The following SEPTIN11 variants were observed in gnomAD, a reference collection of about 807,000 sequenced individuals.
SEPTIN11 encodes the protein septin 11, also known as septin-11.
In SEPTIN11, 25 loss-of-function variants were observed where a neutral mutation model predicts 51.4. The observed-to-expected ratio is 0.49, with a 90% confidence interval of 0.35 to 0.68. The LOEUF (loss-of-function observed/expected upper bound fraction) is 0.68, where lower values mean the gene tolerates loss of function less well. Ranked by LOEUF, SEPTIN11 falls within the 30% of genes least tolerant of loss-of-function variation. The probability of loss-of-function intolerance (pLI) is 0.00; values close to 1 mark genes in which losing one functional copy is unlikely to be tolerated. For synonymous variants in SEPTIN11, 174 were observed against 184.1 expected (o/e 0.95, Z 0.44); for missense variants, 381 against 520.8 (o/e 0.73, Z 2.61).
rs11323704 is a variant in SEPTIN11, at chr4:77,014,661, C to CA, written c.526-181dup. Among the ~76,000 whole-genome samples the CA allele has an allele frequency of 9.4e-3, 1,368 of 144,844 alleles. 17 individuals are homozygous for CA. The highest frequency in any genetic ancestry group is 0.03 in the African/African-American group (1,195 of 39,642). The stretch of plus-strand genomic sequence containing the variant: ...CTGATTTTCATTATCATCTCTACCC[C>CA]AAAAAAAAAAAAAATTGTAGGTACA... On this transcript the variant is annotated intron_variant, in intron 4 of 9. Coordinates refer to ENST00000264893, the MANE Select transcript of SEPTIN11 (RefSeq NM_018243.4).
At chr4:76,979,691 C>T (rs1722668827) in intron 1 of SEPTIN11, among the ~76,000 whole-genome samples, 2 of 152,010 alleles carry the variant, frequency 1.3e-5, no homozygotes, top group African/African-American at 4.8e-5. Context: ...CAAGAACAGC[C>T]TGGCCAACAT....
intron 1 of SEPTIN11, among the ~76,000 whole-genome samples, chr4:76,950,221 G>C (rs1365035796): frequency 6.6e-6 from 1 of 152,142 alleles, no homozygotes; most frequent in Non-Finnish European, 1.5e-5. Context: ...GAGGCGCGGC[G>C]TGTCTCAGCC....
At position 77,034,273 on chromosome 4, in the gene SEPTIN11, A is replaced by C. The variant is rs1425803842; in HGVS notation, c.1275-224A>C. Among the ~76,000 whole-genome samples the C allele has an allele frequency of 3.9e-5, 6 of 152,260 alleles. 1 individual carries two copies. Among genetic ancestry groups the C allele is most frequent in the African/African-American group, 7.2e-5 (3 of 41,478 alleles). On this transcript the variant is annotated intron_variant, in intron 9 of 9. Coordinates refer to ENST00000264893, the MANE Select transcript of SEPTIN11 (RefSeq NM_018243.4). ...AAGTCACTTGTGAATTCTAAATTAC[A>C]TACAAATGGAAACTAACCATATGTC...
At chr4:77,008,149 T>G (rs1724618004) in intron 3 of SEPTIN11, among the ~76,000 whole-genome samples, 1 of 152,218 alleles carries the variant, frequency 6.6e-6, no homozygotes, top group Non-Finnish European at 1.5e-5. Context: ...TTTCACTCTT[T>G]GTTATTTAAG....
At chr4:77,016,633 CATATATAT>C (rs1234653472) in intron 5 of SEPTIN11, among the ~76,000 whole-genome samples, 2 of 72,746 alleles carry the variant, frequency 2.7e-5, no homozygotes, top group African/African-American at 1.0e-4. Context: ...TATATATACA[CATATATAT>C]ATATATATAT....
chr4:77,005,803 C>G lies in SEPTIN11; in HGVS notation c.338+7C>G. 1.9e-6 allele frequency: 3 copies of G among 1,611,700 alleles called. No homozygotes were observed. The highest frequency in any genetic ancestry group is 2.5e-6 in the Non-Finnish European group (3 of 1,178,584). ...AGATAAATAAAGATGACAGGTACAT[C>G]TTGGGATTTTGGGGGGACATGAATG... On this transcript the variant is annotated splice_region_variant and intron_variant, in intron 3 of 9. Coordinates refer to ENST00000264893, the MANE Select transcript of SEPTIN11 (RefSeq NM_018243.4).
At chr4:76,956,964 G>GTGTGTGTGTGTT (rs1187835658) in intron 1 of SEPTIN11, among the ~76,000 whole-genome samples, 1 of 128,976 alleles carries the variant, frequency 7.8e-6, no homozygotes, top group African/African-American at 3.4e-5. Flanking sequence ...GTAGAATGAT[G>GTGTGTGTGTGTT]TGTGTGTGTG....
rs1396688975 is a variant in SEPTIN11, at chr4:76,984,820, C to T, written c.28-11605C>T. Among the ~76,000 whole-genome samples, 1 of 152,060 alleles carries T rather than the reference C, an allele frequency of 6.6e-6. No homozygotes were observed. Among genetic ancestry groups the T allele is most frequent in the Non-Finnish European group, 1.5e-5 (1 of 68,016 alleles). ...TAAATGGAACTGGGTTGTTTGGGAC[C>T]CACTGGACAGCAAGAGGGTTTTGAA... On this transcript the variant is annotated intron_variant, in intron 1 of 9. Coordinates refer to ENST00000264893, the MANE Select transcript of SEPTIN11 (RefSeq NM_018243.4). The surrounding 1 kb of genome is among the most constrained non-coding windows in gnomAD (Gnocchi z 4.1).
At chr4:76,968,078 A>G (rs1334676008) in intron 1 of SEPTIN11, among the ~76,000 whole-genome samples, 2 of 152,190 alleles carry the variant, frequency 1.3e-5, no homozygotes, top group Non-Finnish European at 2.9e-5. Flanking sequence ...TGCTATATAT[A>G]GTGAATGGGG....
rs1433381648 is a variant in SEPTIN11, at chr4:76,984,972, G to GT, written c.28-11450dup. 6.6e-6 allele frequency: 1 copy of GT among 152,236 alleles called. No individual in the cohort carries two copies. Among genetic ancestry groups the GT allele is most frequent in the Non-Finnish European group, 1.5e-5 (1 of 68,056 alleles). 9.4% of individuals were successfully genotyped at this position (152,236 alleles called of 1,614,324 possible). ...GTGCGAAAGAGCAGCTGCAACATCT[G>GT]TTTCTAATTGGGTCGTGCCTTTATA... On this transcript the variant is annotated intron_variant, in intron 1 of 9. Transcript: ENST00000264893. This position sits in a 1 kb window ranked among gnomAD's most constrained non-coding sequence, Gnocchi z 4.1.
At chr4:76,994,891 T>C (rs1723583586) in intron 1 of SEPTIN11, among the ~76,000 whole-genome samples, 2 of 142,334 alleles carry the variant, frequency 1.4e-5, no homozygotes, top group Admixed American at 7.2e-5. Context: ...TAAGTGATCC[T>C]GTACAAAGCT....
chr4:77,032,312 G>C (rs1178797070), intron 9 of SEPTIN11, among the ~76,000 whole-genome samples: 2 of 152,208 alleles, frequency 1.3e-5, no homozygotes, highest in African/African-American at 4.8e-5. Flanking sequence ...AGATCCAAGT[G>C]ACCAAAGGAG....
Position 77,036,226 on chromosome 4 carries a change from A to G in SEPTIN11, c.*1714A>G. The stretch of plus-strand genomic sequence containing the variant: ...CTACACACTAGACACAGCAGTAGTC[A>G]TAGTCTTCACAGGTTTAGGAGCTAC... On this transcript the variant is annotated 3_prime_UTR_variant, in exon 10 of 10. Coordinates refer to ENST00000264893, the MANE Select transcript of SEPTIN11 (RefSeq NM_018243.4). The G allele has an allele frequency of 1.0e-6, 1 of 1,003,278 alleles. No individual in the cohort carries two copies. Among genetic ancestry groups the G allele is most frequent in the Non-Finnish European group, 1.2e-6 (1 of 840,970 alleles). 62.1% of individuals were successfully genotyped at this position (1,003,278 alleles called of 1,614,324 possible).
chr4:77,005,914 T>C (rs766464491), intron 3 of SEPTIN11, 118 bp downstream of exon 3: 81 of 884,294 alleles, frequency 9.2e-5, no homozygotes, highest in Middle Eastern at 3.4e-4. Context: ...TGGTCCTCTA[T>C]TGCCTAAAAG....
chr4:77,038,730 G>A (rs1727202162), downstream of SEPTIN11: 3 of 860,780 alleles, frequency 3.5e-6, no homozygotes, highest in South Asian at 3.2e-5. Context: ...TGCCTCGTGT[G>A]GTAGACTTCA....
chr4:77,019,539 T>C (rs909762938), intron 6 of SEPTIN11, among the ~76,000 whole-genome samples: 1 of 152,044 alleles, frequency 6.6e-6, no homozygotes, highest in Non-Finnish European at 1.5e-5. Context: ...GATTGAAAAA[T>C]AGTTCTTCCC....
intron 1 of SEPTIN11, among the ~76,000 whole-genome samples, chr4:76,994,500 G>A (rs1723558595): frequency 6.6e-6 from 1 of 152,192 alleles, no homozygotes; most frequent in East Asian, 1.9e-4. Flanking sequence ...TCCTGGTCAA[G>A]GATAAGTGCC....
At chr4:77,006,769 A>C (rs1045570188) in intron 3 of SEPTIN11, among the ~76,000 whole-genome samples, 1 of 152,200 alleles carries the variant, frequency 6.6e-6, no homozygotes, top group Non-Finnish European at 1.5e-5. Flanking sequence ...TATATTATAC[A>C]CATGTGTTTT....
chr4:76,964,170 A>T (rs1015736379), intron 1 of SEPTIN11, among the ~76,000 whole-genome samples: 1 of 152,188 alleles, frequency 6.6e-6, no homozygotes, highest in African/African-American at 2.4e-5. Flanking sequence ...TCCATGGTGT[A>T]TATGTGCCAC....
Sources: gnomAD v4.1 joint callset for allele counts (sites outside exome capture counted in the v4.1 genomes callset) on GRCh38, gnomAD v4.1.1 for gene constraint, Gnocchi (gnomAD v3.1) non-coding constraint, MANE v1.5 for transcripts, NCBI Gene and HGNC (gene_info 2026-07-23, HGNC 2026-07-21) for gene names.